Variants in COPG2 observed in about 807,000 individuals in gnomAD.
COPG2 encodes coatomer subunit gamma-2.
A neutral mutation model predicts 46.3 loss-of-function variants in COPG2; 37 were observed. The ratio of observed to expected loss-of-function variants is 0.80; its 90% confidence interval spans 0.61 to 1.05. The LOEUF (loss-of-function observed/expected upper bound fraction) is 1.05, where lower values mean the gene tolerates loss of function less well. Among genes scored for constraint, COPG2 ranks in the 50% least tolerant of loss-of-function variants. The probability of loss-of-function intolerance (pLI) is 0.00; values close to 1 mark genes in which losing one functional copy is unlikely to be tolerated. For synonymous variants in COPG2, 159 were observed against 129.7 expected (o/e 1.23, Z -1.53); for missense variants, 427 against 387.8 (o/e 1.10, Z -0.85).
chr7:130,604,317 C>T (rs1449957118), intron 9 of COPG2, among the ~76,000 whole-genome samples: 1 of 152,124 alleles, frequency 6.6e-6, no homozygotes, highest in Non-Finnish European at 1.5e-5. Flanking sequence ...TGTATCTTTA[C>T]AATATTGAAT....
At chr7:130,571,249 T>C (rs1793892416) in intron 9 of COPG2, among the ~76,000 whole-genome samples, 1 of 152,128 alleles carries the variant, frequency 6.6e-6, no homozygotes, top group African/African-American at 2.4e-5. Flanking sequence ...ATCAGCATAG[T>C]AAACAGACAA....
chr7:130,655,611 T>C (rs564132534), intron 4 of COPG2, among the ~76,000 whole-genome samples: 37 of 152,162 alleles, frequency 2.4e-4, no homozygotes, highest in African/African-American at 8.4e-4. Flanking sequence ...CTCCTTCTTC[T>C]TTGGTATTCT....
At chr7:130,641,224 C>T (rs1795460002) in intron 5 of COPG2, among the ~76,000 whole-genome samples, 1 of 147,890 alleles carries the variant, frequency 6.8e-6, no homozygotes, top group Admixed American at 6.7e-5. Flanking sequence ...AATGACTAAT[C>T]TGTCAAGAAA....
At chr7:130,618,100 CAAAA>C (rs10695449) in intron 5 of COPG2, among the ~76,000 whole-genome samples, 1 of 64,592 alleles carries the variant, frequency 1.5e-5, no homozygotes, top group Middle Eastern at 9.1e-3. Flanking sequence ...GACCCTGTCT[CAAAA>C]AAAAAAAAAA....
chr7:130,640,528 T>C (rs1291096746), intron 5 of COPG2, among the ~76,000 whole-genome samples: 1 of 152,152 alleles, frequency 6.6e-6, no homozygotes, highest in Non-Finnish European at 1.5e-5. Flanking sequence ...GTCTCCTGGC[T>C]TTCCCTTTTA....
chr7:130,547,579 G>C, intron 20 of COPG2, 95 bp downstream of exon 20: 3 of 398,038 alleles, frequency 7.5e-6, no homozygotes, highest in Non-Finnish European at 1.3e-5. Flanking sequence ...TTCTAGAAAA[G>C]CATCACATTC....
chr7:130,551,093 T>C, intron 16 of COPG2, 148 bp downstream of exon 16: 1 of 390,090 alleles, frequency 2.6e-6, no homozygotes, highest in East Asian at 3.6e-5. Context: ...AAATATCCTA[T>C]AAACACAGGT....
chr7:130,539,188 T>C, intron 20 of COPG2, among the ~76,000 whole-genome samples: 1 of 152,160 alleles, frequency 6.6e-6, no homozygotes, highest in Middle Eastern at 3.4e-3. Flanking sequence ...CTTCAATGGG[T>C]ACTGCAAGAT....
chr7:130,582,011 T>C (rs1393575381), intron 9 of COPG2, among the ~76,000 whole-genome samples: 1 of 152,166 alleles, frequency 6.6e-6, no homozygotes, highest in Non-Finnish European at 1.5e-5. Flanking sequence ...AAAGTTCATA[T>C]GGAACCAAAA....
chr7:130,607,852 C>T (rs370537620), intron 9 of COPG2: 10 of 517,294 alleles, frequency 1.9e-5, no homozygotes, highest in Admixed American at 5.9e-5. Context: ...AAAAACCCCA[C>T]AAATTTCACC....
chr7:130,561,094 C>T lies in COPG2; in HGVS notation c.1067G>A (p.Ser356Asn). The T allele has an allele frequency of 2.5e-6, 1 of 398,588 alleles. No homozygotes were observed. The highest frequency in any genetic ancestry group is 4.4e-6 in the Non-Finnish European group (1 of 226,062). 24.7% of individuals were successfully genotyped at this position (398,588 alleles called of 1,614,324 possible). The change falls in exon 12 of 24, where the codon AGT (serine) becomes AAT (asparagine). Residue 356 changes from serine to asparagine, a missense_variant. By Grantham distance (46) the Ser-to-Asn change is conservative (BLOSUM62 1). Transcript: ENST00000425248. ...TATCTGCTTCATGAGCCGGTCCACA[C>T]TGCTCTCACTTCCTGTTTTGAGGAG... is the stretch of plus-strand genomic sequence containing the variant. ...TTLLKTGSES[S>N]VDRLMKQISS...
Position 130,551,333 on chromosome 7 carries a change from T to C in COPG2, c.1556A>G (p.Asp519Gly). The C allele has an allele frequency of 2.5e-6, 1 of 398,534 alleles. No homozygotes were observed. The highest frequency in any genetic ancestry group is 3.6e-5 in the East Asian group (1 of 28,064). 24.7% of individuals were successfully genotyped at this position (398,534 alleles called of 1,614,324 possible). Residue 519 changes from aspartate to glycine, a missense_variant, in exon 16 of 24, where the codon GAT (aspartate) becomes GGT (glycine). Asp to Gly is a moderately conservative substitution (Grantham distance 94, BLOSUM62 -1). Transcript: ENST00000425248. The part of the protein sequence containing the change: ...ILVLLQRCMM[D>G]TDDEVRDRAT... ...TCTGTCTCGTACCTCGTCATCAGTA[T>C]CCATCATACACCTGTCCAGGGGAAA... is the stretch of plus-strand genomic sequence containing the variant.
At chr7:130,584,563 A>G (rs1366859360) in intron 9 of COPG2, among the ~76,000 whole-genome samples, 2 of 151,996 alleles carry the variant, frequency 1.3e-5, no homozygotes, top group Non-Finnish European at 2.9e-5. Flanking sequence ...GAAAACCCTA[A>G]AGACTCCTCC....
intron 12 of COPG2, 50 bp from the exon 13 acceptor site, chr7:130,555,182 C>T: frequency 2.5e-6 from 1 of 396,924 alleles, no homozygotes. Flanking sequence ...ACAACTACCA[C>T]CTATAAAAAG....
intron 9 of COPG2, among the ~76,000 whole-genome samples, chr7:130,572,599 C>T (rs913741720): frequency 3.3e-5 from 5 of 151,844 alleles, no homozygotes; most frequent in African/African-American, 1.2e-4. Flanking sequence ...AATTAAACAC[C>T]ACACTTCCAA....
chr7:130,509,349 A>G (rs376694645), intron 20 of COPG2: 12 of 487,038 alleles, frequency 2.5e-5, no homozygotes, highest in African/African-American at 2.1e-4. Flanking sequence ...TATAAAAAGT[A>G]AAGACAGTAT....
chr7:130,511,557 A>G lies in COPG2; in HGVS notation c.2150-2898T>C, dbSNP rs376481415. The G allele has an allele frequency of 5.8e-6, 3 of 519,830 alleles. No homozygotes were observed. The African/African-American group carries it at 5.8e-5, about 10-fold the overall frequency. The allele number at this position is 519,830 out of a possible 1,614,324, so 32.2% of individuals were successfully genotyped here. A position where few individuals can be genotyped will look rare whatever the true frequency, so the allele number is the denominator to read the frequency against. ...AGGAGGAATGGTACTGGAAAGCAAC[A>G]TTAGAGTTGTCCTCAGATGAAAAGG... On this transcript the variant is annotated intron_variant, in intron 20 of 23. Coordinates refer to ENST00000425248, the MANE Select transcript of COPG2 (RefSeq NM_012133.6).
intron 4 of COPG2, among the ~76,000 whole-genome samples, chr7:130,659,768 C>T (rs1795937741): frequency 6.6e-6 from 1 of 151,996 alleles, no homozygotes; most frequent in Non-Finnish European, 1.5e-5. Flanking sequence ...AAAAATTAGA[C>T]AGGCATGGTG....
At chr7:130,590,159 T>G (rs1794365910) in intron 9 of COPG2, among the ~76,000 whole-genome samples, 1 of 152,030 alleles carries the variant, frequency 6.6e-6, no homozygotes, top group South Asian at 2.1e-4. Flanking sequence ...GAGTCCAAAT[T>G]TCTCTACTTC....
Sources: allele counts gnomAD v4.1 joint callset (sites outside exome capture counted in the v4.1 genomes callset), GRCh38; gene constraint gnomAD v4.1.1; transcripts MANE v1.5; gene names NCBI Gene and HGNC (gene_info 2026-07-23, HGNC 2026-07-21).